DCAF13: variants seen among roughly 807,000 people sequenced by gnomAD.
DCAF13 encodes DDB1- and CUL4-associated factor 13.
A neutral mutation model predicts 59.0 loss-of-function variants in DCAF13; 38 were observed. The ratio of observed to expected loss-of-function variants is 0.64; its 90% CI spans 0.50 to 0.84. DCAF13 has a LOEUF of 0.84. DCAF13 is among the 40% of genes least tolerant of loss of function. The probability of loss-of-function intolerance (pLI) is 0.00; values close to 1 mark genes in which losing one functional copy is unlikely to be tolerated. For synonymous variants in DCAF13, 173 were observed against 175.0 expected (o/e 0.99, Z 0.09); for missense variants, 469 against 558.4 (o/e 0.84, Z 1.61).
chr8:103,420,334 T>C lies in DCAF13; in HGVS notation c.141T>C (p.Ala47=). 1 of 1,614,212 alleles carries C rather than the reference T, an allele frequency of 6.2e-7. No homozygotes were observed. Among genetic ancestry groups the C allele is most frequent in the Non-Finnish European group, 8.5e-7 (1 of 1,180,034 alleles). ...VPREYIRALN[A]TKLERVFAKP... ...GAGAATATATAAGAGCTTTAAATGC[T>C]ACCAAACTGGAACGAGTATTTGCAA... Residue 47 remains alanine (A), a synonymous_variant, in exon 2 of 11, where the codon GCT becomes GCC. Transcript: ENST00000612750.
Position 103,420,422 on chromosome 8 carries a change from G to C in DCAF13, c.229G>C (p.Glu77Gln), listed in dbSNP as rs1243900525. The change falls in exon 2 of 11, where the codon GAG becomes CAG. Residue 77 changes from glutamate to glutamine, a missense_variant. Coordinates refer to ENST00000612750, the MANE Select transcript of DCAF13 (RefSeq NM_015420.7). ...AGTCAATTGCTTGGCAAAGCATCCA[G>C]AGAAGCTGGCTACTGTCCTTTCTGG... ...DGVNCLAKHP[E>Q]KLATVLSGAC... The C allele has an allele frequency of 2.5e-6, 4 of 1,613,974 alleles. No homozygotes were observed. Among genetic ancestry groups the C allele is most frequent in the Non-Finnish European group, 3.4e-6 (4 of 1,179,994 alleles).
At chr8:103,416,955 C>T (rs562635380) in intron 1 of DCAF13, among the ~76,000 whole-genome samples, 16 of 152,276 alleles carry the variant, frequency 1.1e-4, no homozygotes, top group African/African-American at 3.9e-4. Flanking sequence ...TAGAAATTTT[C>T]TAGACTTCAA....
Position 103,438,536 on chromosome 8 carries a change from C to T in DCAF13, c.951-1600C>T, listed in dbSNP as rs539993673. On this transcript the variant is annotated intron_variant, in intron 8 of 10. Transcript: ENST00000612750. ...CTGGGCTCTAGTGATCCTCCTACCT[C>T]AGACTCCTGAGCAGCACCACACCTA... is the stretch of plus-strand genomic sequence containing the variant. 7.3e-5 allele frequency among the ~76,000 whole-genome samples: 11 copies of T among 151,722 alleles called. No individual in the cohort carries two copies. In the South Asian group the frequency reaches 2.1e-3, roughly 29 times the overall value.
At chr8:103,421,789 A>C (rs895577513) in intron 3 of DCAF13, among the ~76,000 whole-genome samples, 11 of 152,244 alleles carry the variant, frequency 7.2e-5, no homozygotes, top group African/African-American at 1.2e-4. Context: ...GTTGTAGTAC[A>C]TGTCAGAATT....
At chr8:103,439,976 C>CCAACT in intron 8 of DCAF13, 160 bp from the exon 9 acceptor site, 1 of 472,666 alleles carries the variant, frequency 2.1e-6, no homozygotes, top group Non-Finnish European at 3.4e-6. Flanking sequence ...AACACGGAAC[C>CCAACT]TTATTAGTTG....
In DCAF13 at chr8:103,427,223, A is replaced by G. The variant is rs539676623; in HGVS notation, c.595A>G (p.Ile199Val). ...ICSMTWGFDSISSVKFNPIET... is the reference protein window; with the variant it reads ...ICSMTWGFDSVSSVKFNPIET... Reference sequence around the variant, plus strand: ...TTCAATGACCTGGGGATTTGACAGTATAAGTAGTGTTAAATTTAACCCAAT... The same window carrying G: ...TTCAATGACCTGGGGATTTGACAGTGTAAGTAGTGTTAAATTTAACCCAAT... Residue 199 changes from isoleucine (I) to valine (V), a missense_variant, in exon 5 of 11, where the codon ATA (isoleucine) becomes GTA (valine). Around this residue, in one of 3 missense-constraint regions of DCAF13, gnomAD observed 355 missense variants for 399.1 expected, o/e 0.89. Transcript: ENST00000612750. The G allele has an allele frequency of 3.7e-5, 60 of 1,613,278 alleles. No individual in the cohort carries two copies. Among genetic ancestry groups the G allele is most frequent in the Non-Finnish European group, 4.7e-5 (56 of 1,179,540 alleles).
At chr8:103,418,113 G>A (rs937756988) in intron 1 of DCAF13, among the ~76,000 whole-genome samples, 1 of 151,102 alleles carries the variant, frequency 6.6e-6, no homozygotes, top group Non-Finnish European at 1.5e-5. Context: ...GGGCAACAGA[G>A]CAAGACTCCG....
At chr8:103,435,065 G>A (rs1459056636) in intron 7 of DCAF13, among the ~76,000 whole-genome samples, 2 of 151,880 alleles carry the variant, frequency 1.3e-5, no homozygotes, top group Non-Finnish European at 2.9e-5. Context: ...AAATCCAAAC[G>A]TTGGGAATTT....
At chr8:103,420,723 ATGT>A in intron 2 of DCAF13, 1 of 580,212 alleles carries the variant, frequency 1.7e-6, no homozygotes, top group African/African-American at 1.9e-5. Context: ...TTTTTCACAG[ATGT>A]TGTCAACACC....
At chr8:103,418,866 ATTTT>A (rs1159489554) in intron 1 of DCAF13, among the ~76,000 whole-genome samples, 24 of 38,376 alleles carry the variant, frequency 6.3e-4, no homozygotes, top group Non-Finnish European at 1.1e-3. Context: ...ATATATATAT[ATTTT>A]TTTTTTTTTT....
chr8:103,423,006 A>G (rs10093237), intron 3 of DCAF13, among the ~76,000 whole-genome samples: 10,698 of 152,282 alleles, frequency 0.07, 493 homozygotes, highest in Non-Finnish European at 0.1. Flanking sequence ...TGTAAAAAAA[A>G]AAAACTTATT....
At chr8:103,415,588 T>TAAAGCCGGA in intron 1 of DCAF13, 72 bp downstream of exon 1, 1 of 1,445,192 alleles carries the variant, frequency 6.9e-7, no homozygotes, top group South Asian at 1.3e-5. Flanking sequence ...TTTCGCGGAG[T>TAAAGCCGGA]AAAGCCGGGG....
At position 103,442,806 on chromosome 8, in the gene DCAF13, G is replaced by T. The variant is rs756945539; in HGVS notation, c.1262G>T (p.Arg421Leu). 1 of 1,596,840 alleles carries T rather than the reference G, an allele frequency of 6.3e-7. No homozygotes were observed. The highest frequency in any genetic ancestry group is 8.5e-7 in the Non-Finnish European group (1 of 1,173,056). Residue 421 changes from arginine (R) to leucine (L), a missense_variant, in exon 11 of 11, where the codon CGT (arginine) becomes CTT (leucine). By Grantham distance (102) the Arg-to-Leu change is moderately radical (BLOSUM62 -2). This residue lies in a region of DCAF13 where 84 missense variants were observed against 92.3 expected (regional missense o/e 0.91). Coordinates refer to ENST00000612750, the MANE Select transcript of DCAF13 (RefSeq NM_015420.7). ...TATTTTATTTCTAGGGAAGTGAATC[G>T]TATTAAACACAGCAAGCCTGGATCT... Reference protein sequence around the residue: ...KEARRRKEVNRIKHSKPGSVP... With the variant: ...KEARRRKEVNLIKHSKPGSVP...
In DCAF13 at chr8:103,442,583, T is replaced by TA. The variant is rs200493628; in HGVS notation, c.1251-209dup. On this transcript the variant is annotated intron_variant, in intron 10 of 10. Transcript: ENST00000612750. ...AACTGTGGAAGGTTTTTAAACTTAG[T>TA]AAAGGACCCTATTAGGTAAATATGA... 959 of 360,232 alleles carry TA rather than the reference T, an allele frequency of 2.7e-3. 5 individuals carry two copies. Among genetic ancestry groups the TA allele is most frequent in the African/African-American group, 0.016 (744 of 47,466 alleles). The allele number at this position is 360,232 out of a possible 1,614,324, so 22.3% of individuals were successfully genotyped here.
At chr8:103,422,517 A>G (rs900309975) in intron 3 of DCAF13, among the ~76,000 whole-genome samples, 1 of 152,224 alleles carries the variant, frequency 6.6e-6, no homozygotes, top group East Asian at 1.9e-4. Flanking sequence ...ATAGTGTCCT[A>G]GGAGGAAGGA....
At chr8:103,416,570 A>C (rs1214578794) in intron 1 of DCAF13, among the ~76,000 whole-genome samples, 2 of 152,062 alleles carry the variant, frequency 1.3e-5, no homozygotes, top group Admixed American at 6.6e-5. Context: ...GAAGACTTTC[A>C]CCGAACAGTA....
chr8:103,436,413 G>T (rs1477355132), intron 8 of DCAF13, among the ~76,000 whole-genome samples: 1 of 152,088 alleles, frequency 6.6e-6, no homozygotes, highest in East Asian at 1.9e-4. Context: ...TTGATGAGAG[G>T]TTGAGAGGTG....
rs142883204 is a variant in DCAF13, at chr8:103,421,639, C to A, written c.378+557C>A. 2.1e-3 allele frequency among the ~76,000 whole-genome samples: 316 copies of A among 152,214 alleles called. 2 individuals carry two copies. Among genetic ancestry groups the A allele is most frequent in the African/African-American group, 6.8e-3 (282 of 41,542 alleles). Reference sequence around the variant, plus strand: ...CTGGTAACTACTATTTTACTTTTTGCCTCTGTGATTTTGACTATTCTGGGT... The same window carrying A: ...CTGGTAACTACTATTTTACTTTTTGACTCTGTGATTTTGACTATTCTGGGT... On this transcript the variant is annotated intron_variant, in intron 3 of 10. Coordinates refer to ENST00000612750, the MANE Select transcript of DCAF13 (RefSeq NM_015420.7).
intron 5 of DCAF13, chr8:103,428,766 A>G (rs555430302): frequency 7.9e-5 from 12 of 152,344 alleles, no homozygotes; most frequent in African/African-American, 2.9e-4. Flanking sequence ...TAGAGGAACA[A>G]AAAAATCTTT....
Sources: gnomAD v4.1 joint callset for allele counts (sites outside exome capture counted in the v4.1 genomes callset) on GRCh38, gnomAD v4.1.1 for gene constraint, gnomAD v4.1.1 regional missense constraint, MANE v1.5 for transcripts, NCBI Gene and HGNC (gene_info 2026-07-23, HGNC 2026-07-21) for gene names.